Variants in POC1A observed in about 807,000 individuals in gnomAD.
POC1A encodes POC1 centriolar protein homolog A.
In POC1A, 34 loss-of-function variants were observed where a neutral mutation model predicts 47.8. That is an observed-to-expected ratio of 0.71 (90% CI 0.54 to 0.95). The LOEUF (loss-of-function observed/expected upper bound fraction) is 0.95. POC1A is among the 40% of genes least tolerant of loss of function. The probability of loss-of-function intolerance (pLI) is 0.00; values close to 1 mark genes in which losing one functional copy is unlikely to be tolerated. For synonymous variants in POC1A, 177 were observed against 207.6 expected, an observed-to-expected ratio of 0.85 and a Z score of 1.27; for missense variants, 466 against 528.3, an observed-to-expected ratio of 0.88 and a Z score of 1.16.
chr3:52,102,191 T>C (rs1264283659), intron 9 of POC1A, among the ~76,000 whole-genome samples: 3 of 152,220 alleles, frequency 2.0e-5, no homozygotes, highest in Non-Finnish European at 4.4e-5. Flanking sequence ...TGAAAATTCT[T>C]GGCCATTATC....
intron 7 of POC1A, 90 bp downstream of exon 7, chr3:52,138,079 T>A: frequency 7.2e-7 from 1 of 1,398,244 alleles, no homozygotes. Context: ...GCTGTGTGGG[T>A]GACAAGCCTG....
At chr3:52,098,679 G>GCCTCAAA (rs1702898152) in intron 9 of POC1A, among the ~76,000 whole-genome samples, 1 of 152,136 alleles carries the variant, frequency 6.6e-6, no homozygotes, top group Non-Finnish European at 1.5e-5. Context: ...AAGGTAACCA[G>GCCTCAAA]CCTCAAACTC....
chr3:52,153,729 G>A (rs1255509939), intron 1 of POC1A, among the ~76,000 whole-genome samples: 1 of 152,248 alleles, frequency 6.6e-6, no homozygotes, highest in Non-Finnish European at 1.5e-5. Flanking sequence ...GGGAGGTAGA[G>A]TACCAGATTA....
At chr3:52,153,388 C>T (rs1367521761) in intron 1 of POC1A, among the ~76,000 whole-genome samples, 3 of 152,238 alleles carry the variant, frequency 2.0e-5, no homozygotes, top group East Asian at 1.9e-4. Context: ...AGCAAAGCCA[C>T]TGCCACCCTA....
chr3:52,141,770 C>T (rs1221588149), intron 6 of POC1A, among the ~76,000 whole-genome samples: 2 of 151,958 alleles, frequency 1.3e-5, no homozygotes, highest in African/African-American at 4.8e-5. Flanking sequence ...GGGAGGACTG[C>T]TTGAGCTCAG....
In POC1A at chr3:52,084,503, C is replaced by G. The variant is rs1446286040; in HGVS notation, c.1126-8518G>C. Among the ~76,000 whole-genome samples the G allele has an allele frequency of 6.6e-6, 1 of 152,250 alleles. No individual in the cohort carries two copies. Among genetic ancestry groups the G allele is most frequent in the East Asian group, 1.9e-4 (1 of 5,202 alleles). Reference sequence around the variant, plus strand: ...TCTTGGGGGCTTCCGAGCACTGACACAGCTGCAGCACCGGTCCTGTCTAGG... The same window carrying G: ...TCTTGGGGGCTTCCGAGCACTGACAGAGCTGCAGCACCGGTCCTGTCTAGG... On this transcript the variant is annotated intron_variant, in intron 10 of 10. Transcript: ENST00000296484. The surrounding 1 kb of genome is among the most constrained non-coding windows in gnomAD (Gnocchi z 4.3).
chr3:52,149,750 G>T, intron 3 of POC1A, 66 bp downstream of exon 3: 3 of 1,492,480 alleles, frequency 2.0e-6, no homozygotes, highest in Non-Finnish European at 2.8e-6. Flanking sequence ...TAGGGGACCT[G>T]GGTGGGGATG....
At chr3:52,126,961 T>C (rs1408288884) in intron 7 of POC1A, among the ~76,000 whole-genome samples, 2 of 152,154 alleles carry the variant, frequency 1.3e-5, no homozygotes, top group Admixed American at 6.5e-5. Flanking sequence ...CTAATCACAC[T>C]ACCCTTCCTA....
At chr3:52,142,817 G>A (rs1698241382) in intron 6 of POC1A, among the ~76,000 whole-genome samples, 6 of 152,146 alleles carry the variant, frequency 3.9e-5, no homozygotes, top group Admixed American at 3.9e-4. Context: ...CTGCACCTAT[G>A]GGGGTGGGGG....
chr3:52,123,053 T>C (rs1428563520), intron 8 of POC1A, among the ~76,000 whole-genome samples: 3 of 152,236 alleles, frequency 2.0e-5, no homozygotes, highest in Non-Finnish European at 4.4e-5. Flanking sequence ...GGACTCAACC[T>C]TGTGCCTCAG....
intron 9 of POC1A, among the ~76,000 whole-genome samples, chr3:52,098,808 C>T (rs573796836): frequency 1.3e-5 from 2 of 152,316 alleles, no homozygotes; most frequent in East Asian, 3.9e-4. Flanking sequence ...CACTGTGTGC[C>T]CTCATTTAAT....
intron 2 of POC1A, 44 bp downstream of exon 2, chr3:52,150,972 G>A: frequency 2.5e-6 from 4 of 1,601,080 alleles, no homozygotes; most frequent in Non-Finnish European, 2.6e-6. Flanking sequence ...AACTTGGCCT[G>A]TTCAGCTCAT....
At chr3:52,137,892 G>A (rs1438610311) in intron 7 of POC1A, among the ~76,000 whole-genome samples, 2 of 152,230 alleles carry the variant, frequency 1.3e-5, no homozygotes, top group African/African-American at 2.4e-5. Context: ...GGATGGCTGA[G>A]GCCATTAGGG....
At chr3:52,142,198 G>A (rs543619489) in intron 6 of POC1A, among the ~76,000 whole-genome samples, 36 of 152,358 alleles carry the variant, frequency 2.4e-4, no homozygotes, top group Non-Finnish European at 4.7e-4. Flanking sequence ...GGACCTGCAC[G>A]TGCTGTAAGG....
chr3:52,142,149 A>G (rs897176075), intron 6 of POC1A, among the ~76,000 whole-genome samples: 7 of 152,212 alleles, frequency 4.6e-5, no homozygotes, highest in Non-Finnish European at 1.0e-4. Context: ...TGGAGGGTAG[A>G]CCTACTTTGC....
At chr3:52,127,477 G>A (rs1426995390) in intron 7 of POC1A, among the ~76,000 whole-genome samples, 3 of 150,916 alleles carry the variant, frequency 2.0e-5, no homozygotes, top group African/African-American at 2.4e-5. Flanking sequence ...AGCAAGCTCC[G>A]CCTCCTGGGT....
intron 6 of POC1A, among the ~76,000 whole-genome samples, chr3:52,143,258 T>C (rs1179535345): frequency 6.6e-6 from 1 of 151,966 alleles, no homozygotes; most frequent in Non-Finnish European, 1.5e-5. Context: ...CACTCAGGAC[T>C]CAGCCCCTGG....
chr3:52,100,795 G>C (rs575952517), intron 9 of POC1A, among the ~76,000 whole-genome samples: 3 of 152,146 alleles, frequency 2.0e-5, no homozygotes, highest in African/African-American at 7.2e-5. Context: ...GAAGAAAACC[G>C]TTCTTGGAGG....
intron 6 of POC1A, among the ~76,000 whole-genome samples, chr3:52,143,257 C>T (rs1698256542): frequency 6.6e-6 from 1 of 152,058 alleles, no homozygotes; most frequent in Non-Finnish European, 1.5e-5. Context: ...CCACTCAGGA[C>T]TCAGCCCCTG....
Sources: gnomAD v4.1 joint callset for allele counts (sites outside exome capture counted in the v4.1 genomes callset) on GRCh38, gnomAD v4.1.1 for gene constraint, Gnocchi (gnomAD v3.1) non-coding constraint, MANE v1.5 for transcripts, NCBI Gene and HGNC (gene_info 2026-07-23, HGNC 2026-07-21) for gene names.